INTS9: variants seen among roughly 807,000 people sequenced by gnomAD.
The protein encoded by INTS9 is protein related to CPSF subunits of 74 kDa.
INTS9 carries 55 observed loss-of-function variants against 79.7 expected under a neutral mutation model. That is an observed-to-expected ratio of 0.69 (90% confidence interval 0.56 to 0.86). The LOEUF (loss-of-function observed/expected upper bound fraction) is 0.86. INTS9 is among the 40% of genes least tolerant of loss of function. The pLI, the probability that INTS9 is intolerant of heterozygous loss-of-function variation, is 0.00. For synonymous variants in INTS9, 319 were observed against 325.2 expected, an observed-to-expected ratio of 0.98 and a Z score of 0.20; for missense variants, 721 against 831.5, an observed-to-expected ratio of 0.87 and a Z score of 1.64.
chr8:28,772,814 GAAAAAA>G, intron 14 of INTS9, among the ~76,000 whole-genome samples: 1 of 90,532 alleles, frequency 1.1e-5, no homozygotes, highest in South Asian at 3.7e-4. Flanking sequence ...CTCAAAAAAA[GAAAAAA>G]AAAGACATAC....
chr8:28,847,869 C>T (rs1249093857), intron 3 of INTS9, among the ~76,000 whole-genome samples: 1 of 152,190 alleles, frequency 6.6e-6, no homozygotes, highest in Non-Finnish European at 1.5e-5. Flanking sequence ...CAGAAATGGT[C>T]TAACACAGAC....
intron 1 of INTS9, among the ~76,000 whole-genome samples, chr8:28,871,775 C>T (rs1809109514): frequency 6.6e-6 from 1 of 152,040 alleles, no homozygotes. Flanking sequence ...GACTAGATTA[C>T]TTATACTAAG....
intron 8 of INTS9, among the ~76,000 whole-genome samples, chr8:28,800,952 T>C (rs575192307): frequency 6.6e-6 from 1 of 152,194 alleles, no homozygotes; most frequent in Non-Finnish European, 1.5e-5. Flanking sequence ...GGAGGGCCAG[T>C]AAATTGTCCA....
chr8:28,792,048 G>A (rs137879607), intron 10 of INTS9, among the ~76,000 whole-genome samples: 1 of 152,204 alleles, frequency 6.6e-6, no homozygotes, highest in Non-Finnish European at 1.5e-5. Flanking sequence ...CTTTACCACA[G>A]AGTACAATTA....
intron 6 of INTS9, among the ~76,000 whole-genome samples, chr8:28,825,557 T>C (rs1215914047): frequency 6.6e-6 from 1 of 152,228 alleles, no homozygotes; most frequent in Non-Finnish European, 1.5e-5. Context: ...CTTCTCTTGA[T>C]GGCCCTTCCC....
At chr8:28,839,578 G>A (rs141295304) in intron 4 of INTS9, among the ~76,000 whole-genome samples, 28,509 of 152,000 alleles carry the variant, frequency 0.19, 2,990 homozygotes, top group East Asian at 0.46. Context: ...GCATGGTACT[G>A]GTACCAAAAC....
intron 13 of INTS9, among the ~76,000 whole-genome samples, chr8:28,777,160 C>G (rs1474153104): frequency 1.3e-5 from 2 of 152,266 alleles, no homozygotes; most frequent in South Asian, 2.1e-4. Flanking sequence ...CTGGGCCCCT[C>G]CACCCTCATC....
chr8:28,775,502 C>T (rs575080556), intron 14 of INTS9, among the ~76,000 whole-genome samples: 9 of 152,156 alleles, frequency 5.9e-5, no homozygotes, highest in Admixed American at 3.9e-4. Flanking sequence ...CACCTGGCTA[C>T]TTTTTTTGTA....
chr8:28,871,129 G>C (rs1198456461), intron 1 of INTS9, among the ~76,000 whole-genome samples: 1 of 152,178 alleles, frequency 6.6e-6, no homozygotes. Context: ...CACACCGGTA[G>C]TAAGTTAGGA....
At chr8:28,837,828 T>C (rs562365020) in intron 4 of INTS9, 52 bp from the exon 5 acceptor site, 2 of 1,523,724 alleles carry the variant, frequency 1.3e-6, no homozygotes, top group African/African-American at 2.8e-5. Flanking sequence ...TCGATCAATA[T>C]GATGTGACTA....
chr8:28,783,676 G>A (rs1415563715), intron 11 of INTS9: 1 of 152,184 alleles, frequency 6.6e-6, no homozygotes. Context: ...CACTGTCCTG[G>A]AGATCTTCAT....
At chr8:28,794,926 C>T (rs1433886819) in intron 9 of INTS9, among the ~76,000 whole-genome samples, 1 of 152,140 alleles carries the variant, frequency 6.6e-6, no homozygotes, top group Non-Finnish European at 1.5e-5. Flanking sequence ...TTCTTTGAGT[C>T]TGTGATTCTA....
rs1189901798 is a variant in INTS9 at position 28,767,936 on chromosome 8, T to C, written c.*210A>G. On this transcript the variant is annotated 3_prime_UTR_variant, in exon 17 of 17. Transcript: ENST00000521022. ...GAGAGAGCCAGAGTTGAGAAGAAAA[T>C]GAGCCTGAAGTTGAAAGGGAAAGTT... is the stretch of plus-strand genomic sequence containing the variant. The C allele has an allele frequency of 8.8e-6, 5 of 565,694 alleles. No individual in the cohort carries two copies. Among genetic ancestry groups the C allele is most frequent in the Admixed American group, 6.2e-5 (2 of 32,418 alleles). The allele number at this position is 565,694 out of a possible 1,614,324, so 35.0% of individuals were successfully genotyped here.
intron 1 of INTS9, among the ~76,000 whole-genome samples, chr8:28,880,267 CCTCTCCCTCT>C (rs1809640663): frequency 8.5e-6 from 1 of 118,258 alleles, no homozygotes; most frequent in African/African-American, 3.7e-5. Flanking sequence ...TCTCCCTCTC[CCTCTCCCTCT>C]CTCTCCCTCC....
At chr8:28,886,462 G>C (rs1264142077) in intron 1 of INTS9, among the ~76,000 whole-genome samples, 1 of 152,110 alleles carries the variant, frequency 6.6e-6, no homozygotes, top group Non-Finnish European at 1.5e-5. Flanking sequence ...GCTCAGGCTG[G>C]TCTAGAACTC....
At chr8:28,878,338 G>A (rs115296541) in intron 1 of INTS9, among the ~76,000 whole-genome samples, 3,086 of 151,898 alleles carry the variant, frequency 0.02, 107 homozygotes, top group African/African-American at 0.071. Context: ...TTTGAAATAC[G>A]GTCTCACTCT....
At chr8:28,782,622 T>C (rs1296328960) in intron 11 of INTS9, among the ~76,000 whole-genome samples, 2 of 152,210 alleles carry the variant, frequency 1.3e-5, no homozygotes, top group African/African-American at 4.8e-5. Flanking sequence ...CAGACAGTTA[T>C]ATTAAGAAAT....
At chr8:28,842,066 C>T (rs1363874671) in intron 4 of INTS9, among the ~76,000 whole-genome samples, 1 of 151,912 alleles carries the variant, frequency 6.6e-6, no homozygotes, top group Non-Finnish European at 1.5e-5. Context: ...TCACGCTGGG[C>T]AATAAAGTGA....
chr8:28,838,446 T>A lies in INTS9; in HGVS notation c.262-670A>T, dbSNP rs142079199. ...CAGGTTAGCATGTGAGGGAAAAGGC[T>A]ATCCAAGTTTGGGTAAATTTTAGGA... On this transcript the variant is annotated intron_variant, in intron 4 of 16. Transcript: ENST00000521022. Among the ~76,000 whole-genome samples, 13 of 152,190 alleles carry A rather than the reference T, an allele frequency of 8.5e-5. No homozygotes were observed. The East Asian group carries it at 2.5e-3, about 29-fold the overall frequency.
Sources: allele counts gnomAD v4.1 joint callset (sites outside exome capture counted in the v4.1 genomes callset), GRCh38; gene constraint gnomAD v4.1.1; transcripts MANE v1.5; gene names NCBI Gene and HGNC (gene_info 2026-07-23, HGNC 2026-07-21).